MRPL22: variants seen among roughly 807,000 people sequenced by gnomAD.
The protein encoded by MRPL22 is large ribosomal subunit protein uL22m.
MRPL22 carries 27 observed loss-of-function variants against 32.4 expected under a neutral mutation model. The ratio of observed to expected loss-of-function variants is 0.83; its 90% confidence interval spans 0.61 to 1.15. MRPL22 has a LOEUF of 1.15. MRPL22 is among the 50% of genes most tolerant of loss of function. The pLI is 0.00. For synonymous variants in MRPL22, 86 were observed against 87.3 expected (o/e 0.99, Z 0.08); for missense variants, 239 against 260.2 (o/e 0.92, Z 0.56).
intron 6 of MRPL22, among the ~76,000 whole-genome samples, chr5:154,966,104 A>G (rs901434203): frequency 6.6e-6 from 1 of 152,114 alleles, no homozygotes; most frequent in African/African-American, 2.4e-5. Context: ...CCCTAGCTTT[A>G]TCTCTAATCT....
intron 2 of MRPL22, among the ~76,000 whole-genome samples, chr5:154,943,413 G>A (rs1764445836): frequency 6.6e-6 from 1 of 151,884 alleles, no homozygotes; most frequent in African/African-American, 2.4e-5. Flanking sequence ...ATTGCATATA[G>A]GCCCCAGACT....
intron 3 of MRPL22, among the ~76,000 whole-genome samples, chr5:154,953,690 T>G (rs935677896): frequency 6.8e-6 from 1 of 148,016 alleles, no homozygotes; most frequent in African/African-American, 2.5e-5. Flanking sequence ...ACTTTTTTTT[T>G]TTTTTTTTTT....
intron 6 of MRPL22, among the ~76,000 whole-genome samples, chr5:154,964,743 GA>G (rs1764744471): frequency 6.6e-6 from 1 of 151,920 alleles, no homozygotes; most frequent in Non-Finnish European, 1.5e-5. Flanking sequence ...TTTTGGGGGA[GA>G]TAGAAGGGAA....
intron 3 of MRPL22, among the ~76,000 whole-genome samples, chr5:154,954,587 C>T (rs1488492682): frequency 6.6e-6 from 1 of 152,130 alleles, no homozygotes; most frequent in Non-Finnish European, 1.5e-5. Context: ...GACATTTCAC[C>T]TGCCCAAAGT....
At position 154,966,824 on chromosome 5, in the gene MRPL22, C is replaced by G; in HGVS notation, c.548C>G (p.Pro183Arg). ...GGGCCCCCACCTCCACCTGAGCCACCAAAGACGGCAGTTGCCCATGCCAAA... is the reference window on the plus strand; with the variant it reads ...GGGCCCCCACCTCCACCTGAGCCACGAAAGACGGCAGTTGCCCATGCCAAA... ...VEGPPPPPEP[P>R]KTAVAHAKEY... Residue 183 changes from proline to arginine, a missense_variant, in exon 7 of 7, where the codon CCA becomes CGA. By Grantham distance (103) the Pro-to-Arg change is moderately radical. Coordinates refer to ENST00000523037, the MANE Select transcript of MRPL22 (RefSeq NM_014180.4). The G allele has an allele frequency of 6.2e-7, 1 of 1,614,120 alleles. No homozygotes were observed. The highest frequency in any genetic ancestry group is 1.7e-4 in the Middle Eastern group (1 of 6,060).
intron 3 of MRPL22, chr5:154,955,217 A>G (rs1245935066): frequency 6.6e-6 from 1 of 152,178 alleles, no homozygotes; most frequent in African/African-American, 2.4e-5. Flanking sequence ...AAATGTAATT[A>G]GGCTATTGCT....
chr5:154,947,862 T>C (rs948366169), intron 2 of MRPL22, among the ~76,000 whole-genome samples: 2 of 152,300 alleles, frequency 1.3e-5, no homozygotes, highest in African/African-American at 4.8e-5. Context: ...ATGTTTCACA[T>C]TGAGGTGACA....
rs2113018409 is a variant in MRPL22 at position 154,969,089 on chromosome 5, T to G, written c.*2192T>G. Reference sequence around the variant, plus strand: ...TCACTTTGCATGTTCAGTGATATGGTTTGGCTCTGTGTTCCCACCCAATCT... The same window carrying G: ...TCACTTTGCATGTTCAGTGATATGGGTTGGCTCTGTGTTCCCACCCAATCT... On this transcript the variant is annotated 3_prime_UTR_variant, in exon 7 of 7. Coordinates refer to ENST00000523037, the MANE Select transcript of MRPL22 (RefSeq NM_014180.4). 6.6e-6 allele frequency: 1 copy of G among 152,360 alleles called. No homozygotes were observed. The highest frequency in any genetic ancestry group is 1.5e-5 in the Non-Finnish European group (1 of 68,042). The allele number at this position is 152,360 out of a possible 1,614,324, so 9.4% of individuals were successfully genotyped here.
intron 2 of MRPL22, among the ~76,000 whole-genome samples, chr5:154,948,986 C>T (rs1224852436): frequency 6.6e-6 from 1 of 152,168 alleles, no homozygotes; most frequent in Non-Finnish European, 1.5e-5. Context: ...CTTGTCCCAT[C>T]TTTGGCTTGT....
chr5:154,953,359 G>C (rs1764588638), intron 3 of MRPL22, among the ~76,000 whole-genome samples: 1 of 65,838 alleles, frequency 1.5e-5, no homozygotes, highest in Non-Finnish European at 2.7e-5. Context: ...CTCCGTCTCA[G>C]GAGAAAAAAA....
intron 2 of MRPL22, among the ~76,000 whole-genome samples, chr5:154,946,776 G>A (rs906937535): frequency 2.0e-5 from 3 of 152,132 alleles, no homozygotes; most frequent in Non-Finnish European, 2.9e-5. Context: ...AGCTGAGATC[G>A]CACCATTGCA....
chr5:154,956,701 C>A, intron 4 of MRPL22: 1 of 398,198 alleles, frequency 2.5e-6, no homozygotes, highest in South Asian at 4.7e-5. Context: ...TCCAGGAAAC[C>A]CACCTATTTA....
At chr5:154,949,153 C>G (rs1253646594) in intron 2 of MRPL22, among the ~76,000 whole-genome samples, 2 of 152,054 alleles carry the variant, frequency 1.3e-5, no homozygotes, top group Non-Finnish European at 2.9e-5. Flanking sequence ...AGTTTTGGTT[C>G]TCTTCAATAG....
At chr5:154,957,939 C>T (rs1408219590) in intron 5 of MRPL22, among the ~76,000 whole-genome samples, 5 of 116,236 alleles carry the variant, frequency 4.3e-5, no homozygotes, top group Admixed American at 3.5e-4. Flanking sequence ...TTTTTTGAGA[C>T]GGAGTCTAGC....
chr5:154,966,195 G>A (rs1412459205), intron 6 of MRPL22, among the ~76,000 whole-genome samples: 3 of 152,068 alleles, frequency 2.0e-5, no homozygotes, highest in East Asian at 1.9e-4. Context: ...AAAACAAGCC[G>A]AGTGCATTCC....
chr5:154,959,668 A>G (rs140971928), intron 5 of MRPL22, among the ~76,000 whole-genome samples: 115 of 152,268 alleles, frequency 7.6e-4, no homozygotes, highest in African/African-American at 2.3e-3. Flanking sequence ...CTTTTTGACA[A>G]GTTTCTGACT....
Position 154,941,260 on chromosome 5 carries a change from C to A in MRPL22, c.72C>A (p.Ala24=). The A allele has an allele frequency of 6.2e-7, 1 of 1,613,072 alleles. No homozygotes were observed. Among genetic ancestry groups the A allele is most frequent in the South Asian group, 1.1e-5 (1 of 91,040 alleles). Reference sequence around the variant, plus strand: ...ACCTGAGGAGCCGGGGGAAGCTGGCCTTGGGGTGAGTCTCTCGCTTCGGAG... The same window carrying A: ...ACCTGAGGAGCCGGGGGAAGCTGGCATTGGGGTGAGTCTCTCGCTTCGGAG... ...IHNLRSRGKL[A]LGVLPQSYIH... is the part of the protein sequence containing the mutation. The change falls in exon 2 of 7, where the codon GCC becomes GCA. Residue 24 remains alanine, a synonymous_variant. Transcript: ENST00000523037.
chr5:154,943,613 CATATATATACAT>C (rs1764449290), intron 2 of MRPL22, among the ~76,000 whole-genome samples: 1 of 150,628 alleles, frequency 6.6e-6, no homozygotes, highest in Admixed American at 6.7e-5. Flanking sequence ...CATATATACA[CATATATATACAT>C]ATATACACAT....
intron 6 of MRPL22, among the ~76,000 whole-genome samples, chr5:154,964,514 T>C (rs1190408963): frequency 1.3e-5 from 2 of 152,236 alleles, no homozygotes; most frequent in Non-Finnish European, 2.9e-5. Context: ...CTGATTTCAT[T>C]TACACCTCAG....
Sources: gnomAD v4.1 joint callset for allele counts (sites outside exome capture counted in the v4.1 genomes callset) on GRCh38, gnomAD v4.1.1 for gene constraint, MANE v1.5 for transcripts, NCBI Gene and HGNC (gene_info 2026-07-23, HGNC 2026-07-21) for gene names.